Variants in NODAL observed in about 807,000 individuals in gnomAD.
NODAL encodes nodal growth differentiation factor.
Under a neutral mutation model 34.0 loss-of-function variants are expected in NODAL, and 12 were observed. The ratio of observed to expected loss-of-function variants is 0.35; its 90% confidence interval spans 0.23 to 0.57. NODAL has a LOEUF of 0.57. Among genes scored for constraint, NODAL ranks in the 20% least tolerant of loss-of-function variants. The pLI is 0.83. For missense variants in NODAL, 390 were observed against 444.2 expected (o/e 0.88, Z 1.10); for synonymous variants, 162 against 186.4 (o/e 0.87, Z 1.07).
chr10:70,439,263 G>A (rs1253287413), intron 1 of NODAL, among the ~76,000 whole-genome samples: 1 of 151,772 alleles, frequency 6.6e-6, no homozygotes, highest in African/African-American at 2.4e-5. Flanking sequence ...TCGGCCTCCC[G>A]AAGTGCTGGG....
At position 70,435,645 on chromosome 10, in the gene NODAL, C is replaced by T. The variant is rs779955350; in HGVS notation, c.532G>A (p.Gly178Arg). 1 of 1,614,080 alleles carries T rather than the reference C, an allele frequency of 6.2e-7. No homozygotes were observed. The highest frequency in any genetic ancestry group is 1.7e-5 in the Admixed American group (1 of 60,028). The change falls in exon 2 of 3, where the codon GGA becomes AGA. Residue 178 changes from glycine to arginine, a missense_variant. Gly to Arg is a moderately radical substitution (Grantham distance 125). Coordinates refer to ENST00000287139, the MANE Select transcript of NODAL (RefSeq NM_018055.5). ...ALEKQMSRVAGECWPRPPTPP... is the reference protein window; with the variant it reads ...ALEKQMSRVARECWPRPPTPP... The stretch of plus-strand genomic sequence containing the variant: ...GTGGGGGGCCGCGGCCAGCACTCTC[C>T]AGCTACCCTGGACATCTGCTTCTCC...
At chr10:70,440,430 C>T (rs936878871) in intron 1 of NODAL, among the ~76,000 whole-genome samples, 1 of 152,220 alleles carries the variant, frequency 6.6e-6, no homozygotes, top group African/African-American at 2.4e-5. Context: ...CACCGGCTGT[C>T]TGACCCCAGG....
Position 70,435,547 on chromosome 10 carries a change from G to A in NODAL, c.630C>T (p.Ser210=). 1.2e-6 allele frequency: 2 copies of A among 1,614,112 alleles called. No homozygotes were observed. Among genetic ancestry groups the A allele is most frequent in the Non-Finnish European group, 8.5e-7 (1 of 1,180,034 alleles). The stretch of plus-strand genomic sequence containing the variant: ...AGCTCTCGGCTTCCCACAGCAAGGT[G>A]GACCCACCCAGCTGCCTCTGCTCCT... ...LSQEQRQLGG[S]TLLWEAESSW... is the part of the protein sequence containing the mutation. The change falls in exon 2 of 3, where the codon TCC becomes TCT. Residue 210 remains serine (S), a synonymous_variant. Transcript: ENST00000287139.
upstream of NODAL, among the ~76,000 whole-genome samples, chr10:70,441,949 C>A (rs997051407): frequency 2.0e-5 from 3 of 152,146 alleles, no homozygotes; most frequent in African/African-American, 7.2e-5. Context: ...CTCTAGGTAC[C>A]AAACGCCTTG....
Position 70,435,733 on chromosome 10 carries a change from C to G in NODAL, c.444G>C (p.Leu148Phe). The stretch of plus-strand genomic sequence containing the variant: ...TGGTCACCTCCAAAACCATGCTGCC[C>G]AAGGAAAAGGTGACCTGGGACAAAG... ...TVTLSQVTFS[L>F]GSMVLEVTRP... The change falls in exon 2 of 3, where the codon TTG becomes TTC. Residue 148 changes from leucine to phenylalanine, a missense_variant. Leu to Phe is a conservative substitution (Grantham distance 22). Coordinates refer to ENST00000287139, the MANE Select transcript of NODAL (RefSeq NM_018055.5). 1 of 1,614,146 alleles carries G rather than the reference C, an allele frequency of 6.2e-7. No individual in the cohort carries two copies. Among genetic ancestry groups the G allele is most frequent in the East Asian group, 2.2e-5 (1 of 44,876 alleles).
upstream of NODAL, chr10:70,441,711 T>A: frequency 1.9e-6 from 3 of 1,540,462 alleles, no homozygotes; most frequent in Non-Finnish European, 2.6e-6. Context: ...AGCCCTTATA[T>A]CCTGGGCCTC....
At chr10:70,442,283 G>A (rs542651250), upstream of NODAL, among the ~76,000 whole-genome samples, 1 of 152,220 alleles carries the variant, frequency 6.6e-6, no homozygotes, top group African/African-American at 2.4e-5. Flanking sequence ...ACCTGAAAAG[G>A]GAGTGTTCAG....
At chr10:70,439,734 A>G (rs1392501318) in intron 1 of NODAL, among the ~76,000 whole-genome samples, 1 of 152,180 alleles carries the variant, frequency 6.6e-6, no homozygotes, top group Non-Finnish European at 1.5e-5. Context: ...CTCTTAGAAA[A>G]TGAGGCCAAT....
chr10:70,441,550 G>A lies in NODAL; in HGVS notation c.118C>T (p.Pro40Ser), dbSNP rs1845431543. Residue 40 changes from proline (P) to serine (S), a missense_variant, in exon 1 of 3, where the codon CCT (proline) becomes TCT (serine). Coordinates refer to ENST00000287139, the MANE Select transcript of NODAL (RefSeq NM_018055.5). The stretch of plus-strand genomic sequence containing the variant: ...TAGAGGCTCAGCATGTACGCCAGAG[G>A]GGATGGCGACGAGGGCTGCCCCCGC... ...RTRGQPSSPSPLAYMLSLYRD... is the reference protein window; with the variant it reads ...RTRGQPSSPSSLAYMLSLYRD... 1 of 1,589,492 alleles carries A rather than the reference G, an allele frequency of 6.3e-7. No homozygotes were observed. The highest frequency in any genetic ancestry group is 1.1e-5 in the South Asian group (1 of 87,648).
At chr10:70,438,146 T>C (rs781049230) in intron 1 of NODAL, among the ~76,000 whole-genome samples, 6 of 151,636 alleles carry the variant, frequency 4.0e-5, no homozygotes, top group Admixed American at 1.3e-4. Context: ...AATACAAAAT[T>C]AGCCAGGCAT....
In NODAL at chr10:70,435,928, G is replaced by A; in HGVS notation, c.249C>T (p.Ser83=). Residue 83 remains serine, a synonymous_variant, in exon 2 of 3, where the codon AGC becomes AGT. Transcript: ENST00000287139. ...CAGCCCATGCCAGATCCTCTTGTTGGCTCAGGAAGGAGAAGTCAAAAGCAA... is the reference window on the plus strand; with the variant it reads ...CAGCCCATGCCAGATCCTCTTGTTGACTCAGGAAGGAGAAGTCAAAAGCAA... The part of the protein sequence containing the change: ...WTFAFDFSFL[S]QQEDLAWAEL... 1.9e-6 allele frequency: 3 copies of A among 1,614,138 alleles called. No homozygotes were observed. The highest frequency in any genetic ancestry group is 2.5e-6 in the Non-Finnish European group (3 of 1,180,034).
intron 1 of NODAL, among the ~76,000 whole-genome samples, chr10:70,439,843 G>A (rs902676461): frequency 2.6e-5 from 4 of 152,240 alleles, no homozygotes; most frequent in Non-Finnish European, 4.4e-5. Context: ...TTGGGAGGCC[G>A]AGGCAGGCGG....
chr10:70,443,166 A>G (rs1310972332), upstream of NODAL, among the ~76,000 whole-genome samples: 1 of 152,218 alleles, frequency 6.6e-6, no homozygotes, highest in African/African-American at 2.4e-5. Flanking sequence ...GAAAATGGAG[A>G]AAGGCCCAGC....
intron 1 of NODAL, among the ~76,000 whole-genome samples, chr10:70,436,757 C>G (rs1845361904): frequency 6.6e-6 from 1 of 151,976 alleles, no homozygotes; most frequent in South Asian, 2.1e-4. Context: ...GCATGTCTAC[C>G]CACCTACAGG....
In NODAL at chr10:70,439,770, G is replaced by A. The variant is rs1845405242; in HGVS notation, c.193+1705C>T. Among the ~76,000 whole-genome samples the A allele has an allele frequency of 1.3e-5, 2 of 152,144 alleles. 1 individual carries two copies. The highest frequency in any genetic ancestry group is 4.1e-4 in the South Asian group (2 of 4,828). On this transcript the variant is annotated intron_variant, in intron 1 of 2. Coordinates refer to ENST00000287139, the MANE Select transcript of NODAL (RefSeq NM_018055.5). ...TCACAACGTAACTGTGCCACATGCC[G>A]CTGTACACTAAAAAACAGTGTTTAG...
upstream of NODAL, among the ~76,000 whole-genome samples, chr10:70,446,204 T>A (rs1845485665): frequency 6.6e-6 from 1 of 152,182 alleles, no homozygotes; most frequent in Non-Finnish European, 1.5e-5. Context: ...ACCTGGGAGA[T>A]AACCTTTGAG....
chr10:70,443,866 A>G (rs147565642), upstream of NODAL, among the ~76,000 whole-genome samples: 2,334 of 151,916 alleles, frequency 0.015, 40 homozygotes, highest in South Asian at 0.026. Context: ...AATTCAGTGA[A>G]TGGCACTATG....
Position 70,435,338 on chromosome 10 carries a change from C to T in NODAL, c.839G>A (p.Cys280Tyr). ...AAACTCCTCCCCAACAGGATTAGGA[C>T]ACTCGCCCTCACAGCGATAGGCGTT... ...QYNAYRCEGE[C>Y]PNPVGEEFHP... Residue 280 changes from cysteine (C) to tyrosine (Y), a missense_variant, in exon 2 of 3, where the codon TGT becomes TAT. Cys to Tyr is a radical substitution (Grantham distance 194). Transcript: ENST00000287139. 6.2e-7 allele frequency: 1 copy of T among 1,614,038 alleles called. No individual in the cohort carries two copies. The highest frequency in any genetic ancestry group is 8.5e-7 in the Non-Finnish European group (1 of 1,179,952).
chr10:70,447,274 A>G (rs1019275947), intron 1 of NODAL, among the ~76,000 whole-genome samples: 39 of 152,018 alleles, frequency 2.6e-4, no homozygotes, highest in African/African-American at 9.4e-4. Context: ...GGGTTTCAGC[A>G]TGTTGGCCAG....
Sources: allele counts gnomAD v4.1 joint callset (sites outside exome capture counted in the v4.1 genomes callset), GRCh38; gene constraint gnomAD v4.1.1; transcripts MANE v1.5; gene names NCBI Gene and HGNC (gene_info 2026-07-23, HGNC 2026-07-21).